The following RPTOR variants were observed in gnomAD, a reference collection of about 807,000 sequenced individuals.
The protein encoded by RPTOR is regulatory associated protein of MTOR complex 1.
RPTOR carries 21 observed loss-of-function variants against 169.9 expected under a neutral mutation model. That is an observed-to-expected ratio of 0.12 (90% confidence interval 0.09 to 0.18). RPTOR has a LOEUF of 0.18. RPTOR is among the 10% of genes least tolerant of loss of function. The pLI, the probability that RPTOR is intolerant of heterozygous loss-of-function variation, is 1.00. For synonymous variants in RPTOR, 732 were observed against 753.2 expected (o/e 0.97, Z 0.46); for missense variants, 1,133 against 1,855.9 (o/e 0.61, Z 7.16).
At chr17:80,791,384 A>C in intron 6 of RPTOR, 66 bp from the exon 7 acceptor site, 1 of 1,435,214 alleles carries the variant, frequency 7.0e-7, no homozygotes, top group Non-Finnish European at 9.7e-7. Context: ...CTTTTTCTGC[A>C]GGCCTGTTGA....
intron 2 of RPTOR, among the ~76,000 whole-genome samples, chr17:80,626,767 C>T (rs2065398162): frequency 8.1e-6 from 1 of 124,060 alleles, no homozygotes; most frequent in African/African-American, 3.1e-5. Context: ...CACAAAATAC[C>T]ATTCTAGGAA....
chr17:80,675,709 C>G (rs1026960566), intron 3 of RPTOR, among the ~76,000 whole-genome samples: 3 of 152,196 alleles, frequency 2.0e-5, no homozygotes, highest in African/African-American at 7.2e-5. Context: ...CCCGGCTGCT[C>G]TGCTCACCGG....
intron 9 of RPTOR, among the ~76,000 whole-genome samples, chr17:80,824,509 C>T (rs1167865928): frequency 6.6e-6 from 1 of 151,960 alleles, no homozygotes; most frequent in Non-Finnish European, 1.5e-5. Context: ...CTCAAAATGG[C>T]CTTATTCCTT....
rs1396109876 is a variant in RPTOR, at chr17:80,726,646, C to T, written c.508-3914C>T. 5.9e-5 allele frequency among the ~76,000 whole-genome samples: 9 copies of T among 152,110 alleles called. No homozygotes were observed. The highest frequency in any genetic ancestry group is 1.5e-5 in the Non-Finnish European group (1 of 68,020). ...AGGTAGTAAAGATGACAGCAGCCCCCGTTTCACTGATGGTGGCGCAGAGGA... is the reference window on the plus strand; with the variant it reads ...AGGTAGTAAAGATGACAGCAGCCCCTGTTTCACTGATGGTGGCGCAGAGGA... On this transcript the variant is annotated intron_variant, in intron 4 of 33. Transcript: ENST00000306801. The surrounding 1 kb of genome is among the most constrained non-coding windows in gnomAD (Gnocchi z 4.5).
At chr17:80,631,585 A>G (rs981911395) in intron 2 of RPTOR, among the ~76,000 whole-genome samples, 1 of 152,186 alleles carries the variant, frequency 6.6e-6, no homozygotes, top group African/African-American at 2.4e-5. Flanking sequence ...TATGAGCTCA[A>G]GAAAAGTGAT....
In RPTOR at chr17:80,943,732, CGGTT is replaced by C. The variant is rs1489239221; in HGVS notation, c.3026-1934_3026-1931del. On this transcript the variant is annotated intron_variant, in intron 25 of 33. Transcript: ENST00000306801. ...CAGACCAGAAGTTCAGGTGAGGACA[CGGTT>C]AGTAAGAGCCAGTCAGGTGAGGACA... Among the ~76,000 whole-genome samples, 17 of 150,672 alleles carry C rather than the reference CGGTT, an allele frequency of 1.1e-4. No homozygotes were observed. The East Asian group carries it at 2.7e-3, about 24-fold the overall frequency.
intron 1 of RPTOR, among the ~76,000 whole-genome samples, chr17:80,618,737 C>CCT (rs532837627): frequency 6.6e-6 from 1 of 152,212 alleles, no homozygotes; most frequent in Admixed American, 6.5e-5. Flanking sequence ...GATTCAAGCA[C>CCT]CTCTCCCCTC....
At chr17:80,769,021 C>G (rs1457977692) in intron 6 of RPTOR, among the ~76,000 whole-genome samples, 1 of 152,138 alleles carries the variant, frequency 6.6e-6, no homozygotes, top group African/African-American at 2.4e-5. Flanking sequence ...GTGCTGAGAT[C>G]GAATCGATAA....
intron 4 of RPTOR, among the ~76,000 whole-genome samples, chr17:80,711,946 G>T (rs756980575): frequency 2.0e-5 from 3 of 151,932 alleles, no homozygotes; most frequent in East Asian, 1.9e-4. Flanking sequence ...GTTTCACCAT[G>T]TTGGCCAGGC....
In RPTOR at chr17:80,723,946, C is replaced by G. The variant is rs542591846; in HGVS notation, c.508-6614C>G. The stretch of plus-strand genomic sequence containing the variant: ...CATAGAGAGCATGTGATTAGAGGAG[C>G]CTGTCTGTTGGGGAGACCTCGAAGA... On this transcript the variant is annotated intron_variant, in intron 4 of 33. Transcript: ENST00000306801. Among the ~76,000 whole-genome samples, 23 of 151,346 alleles carry G rather than the reference C, an allele frequency of 1.5e-4. 3 individuals carry two copies. Among genetic ancestry groups the G allele is most frequent in the Middle Eastern group, 3.4e-3 (1 of 294 alleles).
At chr17:80,846,729 C>T (rs2067735428) in intron 11 of RPTOR, among the ~76,000 whole-genome samples, 155 bp downstream of exon 11, 1 of 152,218 alleles carries the variant, frequency 6.6e-6, no homozygotes, top group Admixed American at 6.5e-5. Flanking sequence ...ATGGGCAGGT[C>T]GCATTCGGGC....
At chr17:80,553,881 A>C (rs570414171) in intron 1 of RPTOR, among the ~76,000 whole-genome samples, 1 of 152,192 alleles carries the variant, frequency 6.6e-6, no homozygotes, top group Admixed American at 6.5e-5. Context: ...AGTTGGGATT[A>C]CATGTGCCTG....
chr17:80,711,624 T>A (rs2066191142), intron 4 of RPTOR, among the ~76,000 whole-genome samples: 1 of 152,192 alleles, frequency 6.6e-6, no homozygotes, highest in South Asian at 2.1e-4. Flanking sequence ...TTGCATCTGT[T>A]CCTTATGCGT....
At chr17:80,837,617 T>C (rs1026197942) in intron 9 of RPTOR, among the ~76,000 whole-genome samples, 2 of 152,236 alleles carry the variant, frequency 1.3e-5, no homozygotes, top group African/African-American at 4.8e-5. Flanking sequence ...ATGGGAAGCA[T>C]TCCTTTATTT....
intron 1 of RPTOR, among the ~76,000 whole-genome samples, chr17:80,551,404 C>T (rs1176469499): frequency 6.6e-6 from 1 of 152,084 alleles, no homozygotes; most frequent in Non-Finnish European, 1.5e-5. Flanking sequence ...GGGTGTTTCT[C>T]CGAGAGGGGG....
chr17:80,708,702 C>T lies in RPTOR; in HGVS notation c.507+703C>T, dbSNP rs2066161152. ...GGTGTGGTGGGTGCTGACTGTCTCCCCATCCTCCAGGGTGGGAACCTTGGT... is the reference window on the plus strand; with the variant it reads ...GGTGTGGTGGGTGCTGACTGTCTCCTCATCCTCCAGGGTGGGAACCTTGGT... On this transcript the variant is annotated intron_variant, in intron 4 of 33. Coordinates refer to ENST00000306801, the MANE Select transcript of RPTOR (RefSeq NM_020761.3). This position sits in a 1 kb window ranked among gnomAD's most constrained non-coding sequence, Gnocchi z 4.2. Among the ~76,000 whole-genome samples, 1 of 151,814 alleles carries T rather than the reference C, an allele frequency of 6.6e-6. No homozygotes were observed. The highest frequency in any genetic ancestry group is 2.1e-4 in the South Asian group (1 of 4,814).
intron 6 of RPTOR, among the ~76,000 whole-genome samples, chr17:80,786,480 A>G (rs1257252899): frequency 6.6e-6 from 1 of 152,260 alleles, no homozygotes; most frequent in Non-Finnish European, 1.5e-5. Flanking sequence ...AGGCAAATTG[A>G]ATACAACAGA....
chr17:80,927,876 C>T (rs1006925631), intron 24 of RPTOR, among the ~76,000 whole-genome samples: 14 of 152,064 alleles, frequency 9.2e-5, no homozygotes, highest in Admixed American at 2.0e-4. Flanking sequence ...CCCGCCCGCA[C>T]GGAGGAGCTG....
intron 20 of RPTOR, among the ~76,000 whole-genome samples, chr17:80,905,157 T>TC: frequency 6.7e-6 from 1 of 148,634 alleles, no homozygotes; most frequent in Non-Finnish European, 1.5e-5. Flanking sequence ...GCACAGTGTG[T>TC]CAACAGTGGT....
Sources: allele counts gnomAD v4.1 joint callset (sites outside exome capture counted in the v4.1 genomes callset), GRCh38; gene constraint gnomAD v4.1.1; non-coding constraint Gnocchi (gnomAD v3.1); transcripts MANE v1.5; gene names NCBI Gene and HGNC (gene_info 2026-07-23, HGNC 2026-07-21).